The following DIS3L2 variants were observed in gnomAD, a reference collection of about 807,000 sequenced individuals.
DIS3L2 encodes the protein DIS3-like exonuclease 2.
In DIS3L2, 34 loss-of-function variants were observed where a neutral mutation model predicts 97.5. That is an observed-to-expected ratio of 0.35 (90% CI 0.27 to 0.46). DIS3L2 has a LOEUF of 0.46. Among genes scored for constraint, DIS3L2 ranks in the 20% least tolerant of loss-of-function variants. DIS3L2 has a pLI of 1.00. For missense variants in DIS3L2, 1,038 were observed against 1,146.0 expected, an observed-to-expected ratio of 0.91 and a Z score of 1.36; for synonymous variants, 435 against 445.2, an observed-to-expected ratio of 0.98 and a Z score of 0.29.
chr2:231,969,558 G>C (rs985998790), intron 1 of DIS3L2, among the ~76,000 whole-genome samples: 1 of 152,064 alleles, frequency 6.6e-6, no homozygotes, highest in Non-Finnish European at 1.5e-5. Context: ...TGATCTGTCC[G>C]CCTCAGCCTC....
intron 5 of DIS3L2, among the ~76,000 whole-genome samples, chr2:232,059,261 A>G (rs1426908536): frequency 1.3e-5 from 2 of 152,204 alleles, no homozygotes; most frequent in East Asian, 1.9e-4. Flanking sequence ...CAAAGTAGGG[A>G]AAAGATGAAA....
At chr2:232,317,526 TG>T (rs767098769) in intron 14 of DIS3L2, among the ~76,000 whole-genome samples, 1 of 152,154 alleles carries the variant, frequency 6.6e-6, no homozygotes, top group East Asian at 1.9e-4. Context: ...AACCTCTGCT[TG>T]CCGGGTTCAA....
intron 6 of DIS3L2, among the ~76,000 whole-genome samples, chr2:232,088,005 C>T (rs546088353): frequency 2.6e-5 from 4 of 152,290 alleles, no homozygotes; most frequent in South Asian, 2.1e-4. Context: ...TTGCGATAGG[C>T]GCAATCCTGT....
chr2:232,342,881 G>A (rs562589008), intron 13 of DIS3L2, among the ~76,000 whole-genome samples: 2 of 152,312 alleles, frequency 1.3e-5, no homozygotes, highest in Non-Finnish European at 2.9e-5. Context: ...AGGGCTGCAC[G>A]GTCGATGGGT....
chr2:232,265,761 G>T (rs1415012521), intron 13 of DIS3L2, among the ~76,000 whole-genome samples: 1 of 152,200 alleles, frequency 6.6e-6, no homozygotes, highest in Non-Finnish European at 1.5e-5. Context: ...AATCCATTAA[G>T]CATTCTGTAT....
chr2:232,237,739 G>C (rs957409768), intron 10 of DIS3L2, among the ~76,000 whole-genome samples: 1 of 151,976 alleles, frequency 6.6e-6, no homozygotes, highest in Non-Finnish European at 1.5e-5. Context: ...AATGGTGGGA[G>C]GGGGGTAGAG....
chr2:232,038,375 A>G (rs1695013371), intron 5 of DIS3L2, among the ~76,000 whole-genome samples: 1 of 152,170 alleles, frequency 6.6e-6, no homozygotes, highest in Admixed American at 6.5e-5. Context: ...GGAGAAACAG[A>G]AGAATGGTTA....
chr2:232,249,197 G>A (rs764407668), intron 11 of DIS3L2, 42 bp from the exon 12 acceptor site: 54 of 1,601,332 alleles, frequency 3.4e-5, no homozygotes, highest in East Asian at 2.9e-4. Context: ...TCTCCTAAGC[G>A]GGTTGGAGAA....
intron 10 of DIS3L2, among the ~76,000 whole-genome samples, chr2:232,223,607 A>ACACAGTC (rs1368419273): frequency 1.3e-5 from 2 of 152,220 alleles, no homozygotes; most frequent in African/African-American, 2.4e-5. Flanking sequence ...ATGAGAAGGG[A>ACACAGTC]CACAGTCCGT....
chr2:232,196,491 A>G (rs186054923), intron 9 of DIS3L2, among the ~76,000 whole-genome samples: 1 of 152,270 alleles, frequency 6.6e-6, no homozygotes, highest in African/African-American at 2.4e-5. Context: ...TTAATAAAAA[A>G]CATTCATTTT....
chr2:232,068,661 T>C (rs1007572618), intron 5 of DIS3L2, among the ~76,000 whole-genome samples: 5 of 152,030 alleles, frequency 3.3e-5, no homozygotes, highest in African/African-American at 9.7e-5. Flanking sequence ...ATAATTGTGG[T>C]TAATTTCTTA....
intron 8 of DIS3L2, among the ~76,000 whole-genome samples, chr2:232,162,671 T>C (rs1393129555): frequency 6.6e-6 from 1 of 152,240 alleles, no homozygotes; most frequent in African/African-American, 2.4e-5. Context: ...ATTTTTGGTC[T>C]CCGCAATACC....
intron 5 of DIS3L2, among the ~76,000 whole-genome samples, chr2:232,050,694 C>T (rs1695377122): frequency 6.6e-6 from 1 of 152,306 alleles, no homozygotes; most frequent in Non-Finnish European, 1.5e-5. Context: ...TGGAGGATTT[C>T]CACCATCCAT....
At chr2:232,174,288 AC>A (rs1691082048) in intron 9 of DIS3L2, among the ~76,000 whole-genome samples, 1 of 151,992 alleles carries the variant, frequency 6.6e-6, no homozygotes, top group Non-Finnish European at 1.5e-5. Context: ...CTGCAACCTT[AC>A]AAAAATCATT....
intron 9 of DIS3L2, among the ~76,000 whole-genome samples, chr2:232,168,792 A>G (rs1201677842): frequency 6.6e-6 from 1 of 152,188 alleles, no homozygotes; most frequent in East Asian, 1.9e-4. Flanking sequence ...AGTGTGTGGA[A>G]TGAGCTCCAG....
chr2:232,215,077 C>T (rs1692295440), intron 10 of DIS3L2, among the ~76,000 whole-genome samples: 1 of 152,098 alleles, frequency 6.6e-6, no homozygotes, highest in African/African-American at 2.4e-5. Context: ...CCAAAAACCA[C>T]TAGGGGAAAA....
chr2:232,018,611 CT>C (rs1263075977), intron 3 of DIS3L2, among the ~76,000 whole-genome samples: 1 of 152,042 alleles, frequency 6.6e-6, no homozygotes. Context: ...TACTTAGAAA[CT>C]TTTGTTAACT....
At position 232,329,810 on chromosome 2, in the gene DIS3L2, CAGG is replaced by C; in HGVS notation, c.1740-2_1740del. 7.3e-7 allele frequency: 1 copy of C among 1,376,282 alleles called. No homozygotes were observed. Among genetic ancestry groups the C allele is most frequent in the South Asian group, 1.6e-5 (1 of 61,270 alleles). 85.3% of individuals were successfully genotyped at this position (1,376,282 alleles called of 1,614,324 possible). A position where few individuals can be genotyped will look rare whatever the true frequency, so the allele number is the denominator to read the frequency against. The stretch of plus-strand genomic sequence containing the variant: ...TCCCTCCCATCCCACCCACCCTCTG[CAGG>C]CTCGTGGAGGAGTTCATGCTCTTGG... On this transcript the variant is annotated splice_acceptor_variant and coding_sequence_variant, in exon 15 of 21. Coordinates refer to ENST00000325385, the MANE Select transcript of DIS3L2 (RefSeq NM_152383.5). LOFTEE classifies it high-confidence loss of function.
chr2:232,020,640 A>G (rs72987651), intron 3 of DIS3L2, among the ~76,000 whole-genome samples: 2,141 of 152,262 alleles, frequency 0.014, 24 homozygotes, highest in Non-Finnish European at 0.021. Flanking sequence ...ACCGTGGCAA[A>G]CAGAGAGAGA....
Sources: allele counts gnomAD v4.1 joint callset (sites outside exome capture counted in the v4.1 genomes callset), GRCh38; gene constraint gnomAD v4.1.1; transcripts MANE v1.5; gene names NCBI Gene and HGNC (gene_info 2026-07-23, HGNC 2026-07-21).